STAT5B: variants seen among roughly 807,000 people sequenced by gnomAD.
STAT5B encodes the protein signal transducer and activator of transcription 5B.
Under a neutral mutation model 107.8 loss-of-function variants are expected in STAT5B, and 21 were observed. That is an observed-to-expected ratio of 0.19 (90% CI 0.14 to 0.28). STAT5B has a LOEUF of 0.28. Ranked by LOEUF, STAT5B falls within the 10% of genes least tolerant of loss-of-function variation. The probability of loss-of-function intolerance (pLI) is 1.00; values close to 1 mark genes in which losing one functional copy is unlikely to be tolerated. For missense variants in STAT5B, 565 were observed against 1,008.2 expected, an observed-to-expected ratio of 0.56 and a Z score of 5.95; for synonymous variants, 325 against 401.7, an observed-to-expected ratio of 0.81 and a Z score of 2.28.
At chr17:42,240,665 G>C (rs758552764) in intron 1 of STAT5B, among the ~76,000 whole-genome samples, 22 of 152,178 alleles carry the variant, frequency 1.4e-4, no homozygotes, top group Non-Finnish European at 3.1e-4. Flanking sequence ...AGAAAGAGGT[G>C]AAACACTTGC....
At chr17:42,224,684 GT>G in intron 4 of STAT5B, 94 bp downstream of exon 4, 1 of 1,219,458 alleles carries the variant, frequency 8.2e-7, no homozygotes. Flanking sequence ...GACACCAATA[GT>G]GCACCCTGAG....
intron 12 of STAT5B, among the ~76,000 whole-genome samples, chr17:42,215,678 G>C (rs1024027034): frequency 6.6e-6 from 1 of 152,062 alleles, no homozygotes; most frequent in African/African-American, 2.4e-5. Context: ...GAGTGCAGTG[G>C]TGCGATCTCG....
At chr17:42,272,052 T>TA (rs2080725715) in intron 1 of STAT5B, 1 of 152,200 alleles carries the variant, frequency 6.6e-6, no homozygotes, top group African/African-American at 2.4e-5. Flanking sequence ...TAAAGCGAGT[T>TA]AAAGGCCAGG....
intron 1 of STAT5B, among the ~76,000 whole-genome samples, chr17:42,258,384 A>T (rs550637199): frequency 3.3e-5 from 5 of 152,350 alleles, no homozygotes; most frequent in Admixed American, 2.0e-4. Context: ...GTATCCTTTA[A>T]AAAGACCATT....
intron 2 of STAT5B, among the ~76,000 whole-genome samples, chr17:42,231,043 T>G (rs1388571927): frequency 6.6e-6 from 1 of 152,114 alleles, no homozygotes; most frequent in East Asian, 1.9e-4. Flanking sequence ...AAATTATTAA[T>G]TTTTAGTTTT....
At chr17:42,270,782 C>T (rs926654246) in intron 1 of STAT5B, 6 of 152,164 alleles carry the variant, frequency 3.9e-5, no homozygotes, top group African/African-American at 1.2e-4. Flanking sequence ...GAATCAGCCC[C>T]GCCAAGAACA....
intron 10 of STAT5B, 21 bp from the exon 11 acceptor site, chr17:42,217,303 A>G (rs1237154478): frequency 1.2e-6 from 2 of 1,614,112 alleles, no homozygotes; most frequent in Non-Finnish European, 1.7e-6. Flanking sequence ...GAAACATAAG[A>G]TGAAACGTAA....
At chr17:42,266,547 A>T (rs928904182) in intron 1 of STAT5B, among the ~76,000 whole-genome samples, 68 of 133,476 alleles carry the variant, frequency 5.1e-4, no homozygotes, top group Non-Finnish European at 5.3e-4. Context: ...CTCAAAAAAT[A>T]AAAAAAAAAA....
intron 18 of STAT5B, 149 bp from the exon 19 acceptor site, chr17:42,202,013 G>A (rs978976453): frequency 2.0e-5 from 15 of 745,936 alleles, no homozygotes; most frequent in Middle Eastern, 3.6e-4. Flanking sequence ...CAAACAGCTG[G>A]CTGTACAGCA....
rs2080030881 is a variant in STAT5B at position 42,199,967 on chromosome 17, C to G, written c.*1771G>C. 6.6e-6 allele frequency: 1 copy of G among 152,454 alleles called. No individual in the cohort carries two copies. The highest frequency in any genetic ancestry group is 2.1e-4 in the South Asian group (1 of 4,826). The allele number at this position is 152,454 out of a possible 1,614,324, so 9.4% of individuals were successfully genotyped here. A position where few individuals can be genotyped will look rare whatever the true frequency, so the allele number is the denominator to read the frequency against. On this transcript the variant is annotated 3_prime_UTR_variant, in exon 19 of 19. Coordinates refer to ENST00000293328, the MANE Select transcript of STAT5B (RefSeq NM_012448.4). ...CAGGCAGGCTCTCCTTCTCACCCTT[C>G]CCCGATGCACCCATCCTCATGGTTG...
At chr17:42,268,493 CA>C (rs2080693828) in intron 1 of STAT5B, 1 of 152,038 alleles carries the variant, frequency 6.6e-6, no homozygotes, top group African/African-American at 2.4e-5. Context: ...CATTAAGTGA[CA>C]AACGACTATA....
At chr17:42,209,427 G>C (rs927519768) in intron 15 of STAT5B, among the ~76,000 whole-genome samples, 3 of 152,194 alleles carry the variant, frequency 2.0e-5, no homozygotes, top group African/African-American at 7.2e-5. Flanking sequence ...TCAGAGGAGA[G>C]AACTAACTTT....
intron 18 of STAT5B, 95 bp downstream of exon 18, chr17:42,202,245 G>T: frequency 1.4e-6 from 2 of 1,437,712 alleles, no homozygotes; most frequent in Non-Finnish European, 1.9e-6. Context: ...ACCTAGAGGA[G>T]CTCTGGATTC....
intron 4 of STAT5B, 141 bp from the exon 5 acceptor site, chr17:42,223,697 T>A: frequency 2.1e-6 from 2 of 944,146 alleles, no homozygotes; most frequent in South Asian, 3.3e-5. Flanking sequence ...GCAAACGTCA[T>A]CATGAGACAC....
rs2144224760 is a variant in STAT5B at position 42,212,127 on chromosome 17, T to C, written c.1537A>G (p.Met513Val). 3 of 1,614,174 alleles carry C rather than the reference T, an allele frequency of 1.9e-6. No homozygotes were observed. Among genetic ancestry groups the C allele is most frequent in the Non-Finnish European group, 2.5e-6 (3 of 1,180,012 alleles). The change falls in exon 13 of 19, where the codon ATG becomes GTG. Residue 513 changes from methionine (M) to valine (V), a missense_variant. Around this residue, in one of 11 missense-constraint regions of STAT5B, gnomAD observed 127 missense variants for 215.8 expected, o/e 0.59. Transcript: ENST00000293328. ...LWPQLCEALNMKFKAEVQSNR... is the reference protein window; with the variant it reads ...LWPQLCEALNVKFKAEVQSNR... ...CTCTGCACTTCGGCCTTGAATTTCATGTTGAGCGCCTCACACAGCTGTGGC... is the reference window on the plus strand; with the variant it reads ...CTCTGCACTTCGGCCTTGAATTTCACGTTGAGCGCCTCACACAGCTGTGGC...
intron 2 of STAT5B, among the ~76,000 whole-genome samples, chr17:42,229,858 C>G (rs2080303869): frequency 6.6e-6 from 1 of 151,128 alleles, no homozygotes; most frequent in African/African-American, 2.4e-5. Context: ...GAGCGAGACT[C>G]CATCTCAAAA....
At chr17:42,274,809 A>G (rs1057040485) in intron 1 of STAT5B, 1 of 152,220 alleles carries the variant, frequency 6.6e-6, no homozygotes, top group Non-Finnish European at 1.5e-5. Flanking sequence ...ACCTTAATTG[A>G]AAGATAACAA....
At chr17:42,288,157 G>C in the STAT5B span, 2 of 152,210 alleles carry the variant, frequency 1.3e-5, 1 homozygote. This position sits in a 1 kb window ranked among gnomAD's most constrained non-coding sequence, Gnocchi z 4.8. Flanking sequence ...CCCAGGTTTG[G>C]GATTTCCAGA....
chr17:42,262,970 G>GTTTATATATA (rs2080626695), intron 1 of STAT5B, among the ~76,000 whole-genome samples: 1 of 20,930 alleles, frequency 4.8e-5, no homozygotes, highest in Non-Finnish European at 8.3e-5. Context: ...GTGTGTGTGT[G>GTTTATATATA]TATATATATA....
Sources: gnomAD v4.1 joint callset for allele counts (sites outside exome capture counted in the v4.1 genomes callset) on GRCh38, gnomAD v4.1.1 for gene constraint, gnomAD v4.1.1 regional missense constraint, Gnocchi (gnomAD v3.1) non-coding constraint, MANE v1.5 for transcripts, NCBI Gene and HGNC (gene_info 2026-07-23, HGNC 2026-07-21) for gene names.